Variants in EPHA5 observed in about 807,000 individuals in gnomAD.
EPHA5 encodes the protein EPH receptor A5, also known as ephrin type-A receptor 5.
Under a neutral mutation model 105.0 loss-of-function variants are expected in EPHA5, and 60 were observed. The ratio of observed to expected loss-of-function variants is 0.57; its 90% CI spans 0.46 to 0.71. The LOEUF is 0.71. Among genes scored for constraint, EPHA5 ranks in the 30% least tolerant of loss-of-function variants. The pLI is 0.00. For synonymous variants in EPHA5, 513 were observed against 449.1 expected (o/e 1.14, Z -1.80); for missense variants, 1,218 against 1,274.7 (o/e 0.96, Z 0.68).
At chr4:65,595,585 T>TA (rs35734710) in intron 3 of EPHA5, among the ~76,000 whole-genome samples, 5,614 of 61,092 alleles carry the variant, frequency 0.092, 157 homozygotes, top group Admixed American at 0.2. Context: ...CACAAGATTT[T>TA]TTTTTTTTTT....
At chr4:65,586,349 A>T (rs1742123901) in intron 3 of EPHA5, among the ~76,000 whole-genome samples, 1 of 151,724 alleles carries the variant, frequency 6.6e-6, no homozygotes. Flanking sequence ...TCTTAAGTTC[A>T]TTGTGATTTT....
intron 2 of EPHA5, among the ~76,000 whole-genome samples, chr4:65,637,372 A>C (rs569821490): frequency 6.6e-6 from 1 of 151,830 alleles, no homozygotes; most frequent in East Asian, 1.9e-4. Flanking sequence ...GTAGTAAATA[A>C]GTCAAAGAGG....
intron 3 of EPHA5, among the ~76,000 whole-genome samples, chr4:65,501,538 A>G (rs1403466135): frequency 6.6e-6 from 1 of 151,768 alleles, no homozygotes; most frequent in Non-Finnish European, 1.5e-5. Flanking sequence ...CTAGGAATAC[A>G]TTGAACCAAG....
chr4:65,331,269 C>A, intron 16 of EPHA5: 1 of 1,029,626 alleles, frequency 9.7e-7, no homozygotes, highest in Non-Finnish European at 1.2e-6. Context: ...GCTAAAACAA[C>A]CACATGTACA....
At chr4:65,550,558 G>A (rs986011994) in intron 3 of EPHA5, among the ~76,000 whole-genome samples, 2 of 152,092 alleles carry the variant, frequency 1.3e-5, no homozygotes, top group Admixed American at 6.6e-5. Flanking sequence ...AACTACAGCC[G>A]GGTGCGGTGG....
At chr4:65,505,869 C>T (rs1415136906) in intron 3 of EPHA5, among the ~76,000 whole-genome samples, 1 of 152,036 alleles carries the variant, frequency 6.6e-6, no homozygotes, top group African/African-American at 2.4e-5. Context: ...TTTTATTCTA[C>T]TTTAAGTTTT....
intron 8 of EPHA5, among the ~76,000 whole-genome samples, chr4:65,388,219 G>A (rs1045489725): frequency 1.3e-5 from 2 of 149,570 alleles, no homozygotes; most frequent in East Asian, 4.0e-4. Flanking sequence ...GTCTATCATT[G>A]TTGGACATTT....
At chr4:65,329,758 C>T (rs1474105122) in intron 16 of EPHA5, among the ~76,000 whole-genome samples, 1 of 149,284 alleles carries the variant, frequency 6.7e-6, no homozygotes, top group Non-Finnish European at 1.5e-5. Context: ...TGGCCTATTT[C>T]TTTTGCTGAT....
chr4:65,430,232 C>A (rs1724846538), intron 5 of EPHA5, among the ~76,000 whole-genome samples: 1 of 151,808 alleles, frequency 6.6e-6, no homozygotes, highest in African/African-American at 2.4e-5. Context: ...AATTATATAT[C>A]TATCATTATA....
intron 3 of EPHA5, among the ~76,000 whole-genome samples, chr4:65,592,727 C>T (rs747164409): frequency 2.0e-5 from 3 of 152,126 alleles, no homozygotes; most frequent in Admixed American, 6.5e-5. Context: ...CAACACGTCT[C>T]AATCCTGGTT....
chr4:65,345,147 A>G (rs1009342203), intron 14 of EPHA5, among the ~76,000 whole-genome samples: 3 of 152,196 alleles, frequency 2.0e-5, no homozygotes, highest in African/African-American at 7.2e-5. Flanking sequence ...GTTTTGTCAT[A>G]GTCCCGCCCC....
In EPHA5 at chr4:65,495,531, C is replaced by G. The variant is rs1430800927; in HGVS notation, c.923G>C (p.Gly308Ala). ...GATGTGAGGTGAGGCTTTGAAGAAC[C>G]CAGGTCTGCACACTGTCAAAAGAAA... is the stretch of plus-strand genomic sequence containing the variant. ...KNGTCQVCRP[G>A]FFKASPHIQS... is the part of the protein sequence containing the mutation. The change falls in exon 4 of 17, where the codon GGG becomes GCG. Residue 308 changes from glycine to alanine, a missense_variant. Physicochemically the swap from Gly to Ala is moderately conservative, Grantham distance 60 (BLOSUM62 0). Coordinates refer to ENST00000613740, the MANE Select transcript of EPHA5 (RefSeq NM_001281766.3). The G allele has an allele frequency of 1.2e-6, 2 of 1,613,278 alleles. No homozygotes were observed. Among genetic ancestry groups the G allele is most frequent in the African/African-American group, 1.3e-5 (1 of 74,860 alleles).
At chr4:65,328,748 T>G (rs549124473) in intron 16 of EPHA5, among the ~76,000 whole-genome samples, 1 of 151,240 alleles carries the variant, frequency 6.6e-6, no homozygotes, top group East Asian at 2.0e-4. Context: ...TTAACCATGG[T>G]CTGTTAATGG....
In EPHA5 at chr4:65,533,709, C is replaced by A. The variant is rs199713574; in HGVS notation, c.911-38166G>T. 7.9e-5 allele frequency among the ~76,000 whole-genome samples: 12 copies of A among 152,050 alleles called. No individual in the cohort carries two copies. In the East Asian group the frequency reaches 1.6e-3, roughly 20 times the overall value. ...CAGAACTTTGGGAGGCCGAGGTGGGCGGATCACCTGAGGTCAGGAGTTGAG... is the reference window on the plus strand; with the variant it reads ...CAGAACTTTGGGAGGCCGAGGTGGGAGGATCACCTGAGGTCAGGAGTTGAG... On this transcript the variant is annotated intron_variant, in intron 3 of 16. Transcript: ENST00000613740.
At chr4:65,512,017 A>T (rs1183832395) in intron 3 of EPHA5, among the ~76,000 whole-genome samples, 1 of 152,198 alleles carries the variant, frequency 6.6e-6, no homozygotes, top group East Asian at 1.9e-4. Flanking sequence ...TGTGCTATTC[A>T]GGAGTATGTG....
At chr4:65,589,429 C>G (rs1742425951) in intron 3 of EPHA5, among the ~76,000 whole-genome samples, 1 of 152,024 alleles carries the variant, frequency 6.6e-6, no homozygotes, top group Non-Finnish European at 1.5e-5. Context: ...TGTTAAAGTT[C>G]CCTCCCCACC....
intron 14 of EPHA5, among the ~76,000 whole-genome samples, chr4:65,338,073 A>T (rs1172438468): frequency 6.6e-6 from 1 of 152,094 alleles, no homozygotes; most frequent in East Asian, 1.9e-4. Context: ...GAGAAATAAA[A>T]TAATAAAACA....
intron 3 of EPHA5, among the ~76,000 whole-genome samples, chr4:65,554,353 G>A (rs1331686499): frequency 1.3e-5 from 2 of 149,896 alleles, no homozygotes; most frequent in African/African-American, 4.9e-5. Context: ...CTATAATTTT[G>A]GCTAATCTAT....
chr4:65,583,173 G>T (rs1270064339), intron 3 of EPHA5, among the ~76,000 whole-genome samples: 2 of 151,454 alleles, frequency 1.3e-5, no homozygotes, highest in Admixed American at 6.6e-5. Flanking sequence ...CCTGCTCTCG[G>T]AGAGTTTATA....
Sources: gnomAD v4.1 joint callset for allele counts (sites outside exome capture counted in the v4.1 genomes callset) on GRCh38, gnomAD v4.1.1 for gene constraint, MANE v1.5 for transcripts, NCBI Gene and HGNC (gene_info 2026-07-23, HGNC 2026-07-21) for gene names.